Variants in MAMDC2 observed in about 807,000 individuals in gnomAD.
MAMDC2 encodes the protein MAM domain containing 2, also known as MAM domain-containing protein 2.
Under a neutral mutation model 89.8 loss-of-function variants are expected in MAMDC2, and 57 were observed. That is an observed-to-expected ratio of 0.63 (90% CI 0.51 to 0.79). The LOEUF is 0.79. Among genes scored for constraint, MAMDC2 ranks in the 30% least tolerant of loss-of-function variants. MAMDC2 has a pLI of 0.00. For synonymous variants in MAMDC2, 313 were observed against 293.4 expected (o/e 1.07, Z -0.68); for missense variants, 800 against 820.6 (o/e 0.97, Z 0.31).
intron 2 of MAMDC2, among the ~76,000 whole-genome samples, chr9:70,104,628 T>C (rs951444339): frequency 2.0e-5 from 3 of 152,216 alleles, no homozygotes; most frequent in African/African-American, 7.2e-5. Flanking sequence ...GAAATTCTAA[T>C]ATATGCTACA....
chr9:70,090,392 G>A (rs1427168465), intron 2 of MAMDC2, among the ~76,000 whole-genome samples: 1 of 151,260 alleles, frequency 6.6e-6, no homozygotes, highest in African/African-American at 2.4e-5. Context: ...GCTAAGGTGG[G>A]AGGATTGCTT....
At chr9:70,155,791 G>T (rs1046278428) in intron 9 of MAMDC2, among the ~76,000 whole-genome samples, 2 of 152,146 alleles carry the variant, frequency 1.3e-5, no homozygotes, top group African/African-American at 4.8e-5. Flanking sequence ...CAACAGCAAA[G>T]TATATCTCAT....
chr9:70,105,540 C>T (rs968752496), intron 2 of MAMDC2, among the ~76,000 whole-genome samples: 3 of 152,128 alleles, frequency 2.0e-5, no homozygotes, highest in Non-Finnish European at 4.4e-5. Flanking sequence ...GAGGCACGTT[C>T]ACATGGCGTG....
intron 9 of MAMDC2, among the ~76,000 whole-genome samples, chr9:70,151,130 G>T (rs1441552361): frequency 6.6e-6 from 1 of 152,176 alleles, no homozygotes; most frequent in African/African-American, 2.4e-5. Context: ...CTCTGCACAG[G>T]GGGTGCCTCC....
intron 2 of MAMDC2, among the ~76,000 whole-genome samples, chr9:70,096,320 G>A (rs1361119730): frequency 1.3e-5 from 2 of 152,082 alleles, no homozygotes; most frequent in Admixed American, 6.6e-5. Context: ...ACCAGTCTGG[G>A]ACTTTAAATT....
chr9:70,054,373 T>G (rs1265308502), intron 2 of MAMDC2, among the ~76,000 whole-genome samples: 1 of 151,984 alleles, frequency 6.6e-6, no homozygotes, highest in Non-Finnish European at 1.5e-5. Context: ...CGGGCATGTA[T>G]GAGAAGAATT....
intron 2 of MAMDC2, among the ~76,000 whole-genome samples, chr9:70,074,613 C>G (rs760857660): frequency 6.6e-6 from 1 of 152,212 alleles, no homozygotes; most frequent in South Asian, 2.1e-4. Flanking sequence ...GAATACAGAG[C>G]TGGCATGTGG....
chr9:70,195,208 A>C (rs560325987), intron 11 of MAMDC2, among the ~76,000 whole-genome samples: 1 of 152,272 alleles, frequency 6.6e-6, no homozygotes, highest in African/African-American at 2.4e-5. Context: ...TTGTAGAACA[A>C]GTCATTCTAG....
intron 2 of MAMDC2, among the ~76,000 whole-genome samples, chr9:70,075,206 C>G (rs757493598): frequency 2.8e-4 from 43 of 152,196 alleles, no homozygotes; most frequent in Non-Finnish European, 5.4e-4. Context: ...AGCAATGAAG[C>G]CATGGTTCAA....
intron 9 of MAMDC2, among the ~76,000 whole-genome samples, chr9:70,168,337 C>G (rs577411848): frequency 6.6e-6 from 1 of 152,212 alleles, no homozygotes; most frequent in East Asian, 1.9e-4. Flanking sequence ...ACTAAAAATA[C>G]AAAAATTATC....
In MAMDC2 at chr9:70,226,071, C is replaced by T. The variant is rs759544194; in HGVS notation, c.*39C>T. ...TTGGATTTACTAGACGAAAACCATA[C>T]CTCTCTTCAATCAAAATGAAAACAA... On this transcript the variant is annotated 3_prime_UTR_variant, in exon 14 of 14. Coordinates refer to ENST00000377182, the MANE Select transcript of MAMDC2 (RefSeq NM_153267.5). 12 of 1,162,170 alleles carry T rather than the reference C, an allele frequency of 1.0e-5. No homozygotes were observed. The highest frequency in any genetic ancestry group is 1.5e-5 in the Non-Finnish European group (12 of 807,376). 72.0% of individuals were successfully genotyped at this position (1,162,170 alleles called of 1,614,324 possible).
At chr9:70,121,514 G>A (rs1252975627) in intron 5 of MAMDC2, among the ~76,000 whole-genome samples, 2 of 152,098 alleles carry the variant, frequency 1.3e-5, no homozygotes, top group Non-Finnish European at 2.9e-5. Context: ...TAGAGGAATG[G>A]CAATAAGCTT....
chr9:70,088,855 T>A (rs1409315628), intron 2 of MAMDC2: 1 of 152,092 alleles, frequency 6.6e-6, no homozygotes, highest in East Asian at 1.9e-4. Context: ...GACTGCTATT[T>A]ACGACTTAAA....
intron 8 of MAMDC2, among the ~76,000 whole-genome samples, chr9:70,142,255 G>A (rs531684487): frequency 2.5e-4 from 38 of 152,214 alleles, no homozygotes; most frequent in African/African-American, 6.7e-4. Context: ...TGAAGGCCTC[G>A]AATTTGGAAA....
At chr9:70,128,055 T>G (rs1361887325) in intron 6 of MAMDC2, among the ~76,000 whole-genome samples, 1 of 152,242 alleles carries the variant, frequency 6.6e-6, no homozygotes, top group Admixed American at 6.5e-5. Context: ...ACACATGTGA[T>G]TTTGCTCTAC....
intron 2 of MAMDC2, chr9:70,062,884 A>G (rs965924317): frequency 6.6e-6 from 1 of 152,218 alleles, no homozygotes; most frequent in African/African-American, 2.4e-5. Flanking sequence ...ACAAGTATCT[A>G]CTGAGCATCT....
At chr9:70,091,343 G>C (rs1827897039) in intron 2 of MAMDC2, among the ~76,000 whole-genome samples, 1 of 152,106 alleles carries the variant, frequency 6.6e-6, no homozygotes, top group Admixed American at 6.5e-5. Context: ...CATGTGCAAA[G>C]CCTTCAGGAA....
chr9:70,165,497 T>C (rs1036677721), intron 9 of MAMDC2, among the ~76,000 whole-genome samples: 9 of 152,212 alleles, frequency 5.9e-5, no homozygotes, highest in African/African-American at 2.2e-4. Flanking sequence ...ACCTAGTCAG[T>C]AGCTGACTAA....
chr9:70,205,853 T>G (rs1406797823), intron 11 of MAMDC2, among the ~76,000 whole-genome samples: 1 of 152,230 alleles, frequency 6.6e-6, no homozygotes, highest in African/African-American at 2.4e-5. Context: ...AGACAGTGCT[T>G]GAAGCTGTAA....
Sources: allele counts gnomAD v4.1 joint callset (sites outside exome capture counted in the v4.1 genomes callset), GRCh38; gene constraint gnomAD v4.1.1; transcripts MANE v1.5; gene names NCBI Gene and HGNC (gene_info 2026-07-23, HGNC 2026-07-21).